GALNT1: variants seen among roughly 807,000 people sequenced by gnomAD.
GALNT1 encodes polypeptide N-acetylgalactosaminyltransferase 1.
GALNT1 carries 17 observed loss-of-function variants against 65.7 expected under a neutral mutation model. The ratio of observed to expected loss-of-function variants is 0.26; its 90% confidence interval spans 0.18 to 0.39. The LOEUF is 0.39. Among genes scored for constraint, GALNT1 ranks in the 10% least tolerant of loss-of-function variants. GALNT1 has a pLI of 1.00. For missense variants in GALNT1, 460 were observed against 672.8 expected (o/e 0.68, Z 3.50); for synonymous variants, 210 against 219.7 (o/e 0.96, Z 0.39).
chr18:35,678,656 T>C (rs571962204), intron 4 of GALNT1, among the ~76,000 whole-genome samples: 1 of 152,332 alleles, frequency 6.6e-6, no homozygotes, highest in South Asian at 2.1e-4. Context: ...GAGAAAAATT[T>C]AGAGCTACAG....
chr18:35,588,784 C>CT, intron 1 of GALNT1, among the ~76,000 whole-genome samples: 1 of 151,596 alleles, frequency 6.6e-6, no homozygotes, highest in Non-Finnish European at 1.5e-5. Context: ...TTTGTTGAGG[C>CT]TTTTTGTTTA....
chr18:35,687,160 G>A lies in GALNT1; in HGVS notation c.834G>A (p.Arg278=). Residue 278 remains arginine (R), a synonymous_variant, in exon 6 of 12, where the codon AGG becomes AGA. Transcript: ENST00000269195. ...TTCCCCAAAGAGAAATGGACAGAAGGAAAGGTGATCGGACTCTTCCTGTCA... is the reference window on the plus strand; with the variant it reads ...TTCCCCAAAGAGAAATGGACAGAAGAAAAGGTGATCGGACTCTTCCTGTCA... ...YPVPQREMDR[R]KGDRTLPVRT... 6.2e-7 allele frequency: 1 copy of A among 1,613,726 alleles called. No individual in the cohort carries two copies. Among genetic ancestry groups the A allele is most frequent in the Non-Finnish European group, 8.5e-7 (1 of 1,179,784 alleles).
At chr18:35,630,079 CT>C (rs1437297035) in intron 1 of GALNT1, among the ~76,000 whole-genome samples, 1 of 152,160 alleles carries the variant, frequency 6.6e-6, no homozygotes, top group African/African-American at 2.4e-5. Flanking sequence ...TACAAAGAGA[CT>C]TAGACTCCCA....
intron 7 of GALNT1, among the ~76,000 whole-genome samples, chr18:35,690,789 T>A (rs1039814200): frequency 4.6e-5 from 7 of 152,218 alleles, no homozygotes; most frequent in East Asian, 1.9e-4. Flanking sequence ...AATACTTTTT[T>A]AAAAACTATC....
chr18:35,709,884 A>C lies in GALNT1; in HGVS notation c.*114A>C. 8.2e-7 allele frequency: 1 copy of C among 1,225,114 alleles called. No homozygotes were observed. The highest frequency in any genetic ancestry group is 1.1e-6 in the Non-Finnish European group (1 of 888,890). 75.9% of individuals were successfully genotyped at this position (1,225,114 alleles called of 1,614,324 possible). ...GAAAAGTGCTTTCCTCCTCTGCAGG[A>C]TGTAAGGTTTATCAGCCATTAAAAC... On this transcript the variant is annotated 3_prime_UTR_variant, in exon 12 of 12. Coordinates refer to ENST00000269195, the MANE Select transcript of GALNT1 (RefSeq NM_020474.4).
At chr18:35,691,425 G>A (rs1392098816) in intron 8 of GALNT1, among the ~76,000 whole-genome samples, 5 of 152,136 alleles carry the variant, frequency 3.3e-5, no homozygotes, top group Non-Finnish European at 5.9e-5. Context: ...GCTAGCCCAG[G>A]TTTTGCAGAT....
At chr18:35,625,310 C>A (rs2046902100) in intron 1 of GALNT1, among the ~76,000 whole-genome samples, 1 of 152,042 alleles carries the variant, frequency 6.6e-6, no homozygotes, top group African/African-American at 2.4e-5. Flanking sequence ...GAGAACAGAT[C>A]CGGAGAAGAG....
intron 11 of GALNT1, among the ~76,000 whole-genome samples, chr18:35,704,636 TTTTTA>T (rs1009613491): frequency 6.7e-6 from 1 of 150,324 alleles, no homozygotes; most frequent in Non-Finnish European, 1.5e-5. Flanking sequence ...TTTTTTTTAT[TTTTTA>T]TTTTATTTAT....
At chr18:35,707,845 A>G (rs1161033163) in intron 11 of GALNT1, among the ~76,000 whole-genome samples, 1 of 152,192 alleles carries the variant, frequency 6.6e-6, no homozygotes, top group East Asian at 1.9e-4. Flanking sequence ...CTTTCCTGAG[A>G]CTGAAGCCAC....
At chr18:35,692,132 T>A (rs370598389) in intron 8 of GALNT1, 49 bp from the exon 9 acceptor site, 95 of 1,511,174 alleles carry the variant, frequency 6.3e-5, no homozygotes, top group Non-Finnish European at 8.2e-5. Context: ...TAAACATGTG[T>A]TACCTAAAAC....
At chr18:35,586,908 A>G (rs1016323439) in intron 1 of GALNT1, among the ~76,000 whole-genome samples, 2 of 152,210 alleles carry the variant, frequency 1.3e-5, no homozygotes, top group East Asian at 3.8e-4. Context: ...GTAGACCTGT[A>G]TCAGTATGGA....
At chr18:35,582,011 G>A (rs1197740779) in intron 1 of GALNT1, 149 bp downstream of exon 1, 1 of 152,024 alleles carries the variant, frequency 6.6e-6, no homozygotes, top group Non-Finnish European at 1.5e-5. Flanking sequence ...GCTCGGCGCG[G>A]GTTCGGGTCT....
intron 3 of GALNT1, among the ~76,000 whole-genome samples, chr18:35,666,560 C>T (rs189633477): frequency 6.6e-6 from 1 of 152,254 alleles, no homozygotes; most frequent in African/African-American, 2.4e-5. Flanking sequence ...ATTTTAATAA[C>T]CCCCCTAAGT....
intron 2 of GALNT1, among the ~76,000 whole-genome samples, chr18:35,658,679 G>A (rs1324930745): frequency 6.6e-6 from 1 of 151,322 alleles, no homozygotes; most frequent in Non-Finnish European, 1.5e-5. Context: ...AGTGGAATTA[G>A]CATGTACATT....
At chr18:35,688,732 G>T (rs1379050914) in intron 6 of GALNT1, among the ~76,000 whole-genome samples, 2 of 152,138 alleles carry the variant, frequency 1.3e-5, no homozygotes, top group Admixed American at 6.6e-5. Context: ...ACATGGCATG[G>T]TAACTCTAAC....
At chr18:35,631,596 TA>T (rs2047011307) in intron 1 of GALNT1, among the ~76,000 whole-genome samples, 1 of 152,102 alleles carries the variant, frequency 6.6e-6, no homozygotes, top group Non-Finnish European at 1.5e-5. Context: ...CCACAGCCAA[TA>T]TCATACTGAA....
chr18:35,588,697 C>A (rs894766121), intron 1 of GALNT1, among the ~76,000 whole-genome samples: 1 of 152,096 alleles, frequency 6.6e-6, no homozygotes, highest in South Asian at 2.1e-4. Context: ...CCCTCCCTTT[C>A]TGCTGCTGAG....
intron 9 of GALNT1, among the ~76,000 whole-genome samples, chr18:35,700,901 TC>T (rs1396238806): frequency 6.6e-6 from 1 of 152,170 alleles, no homozygotes; most frequent in Admixed American, 6.5e-5. Context: ...ATCTAATAAT[TC>T]CTGTGGCATT....
chr18:35,667,274 C>T (rs921735609), intron 3 of GALNT1, among the ~76,000 whole-genome samples: 11 of 152,144 alleles, frequency 7.2e-5, no homozygotes, highest in African/African-American at 1.2e-4. Context: ...TTGCTGTGAT[C>T]ATTTGCTCTG....
Sources: allele counts gnomAD v4.1 joint callset (sites outside exome capture counted in the v4.1 genomes callset), GRCh38; gene constraint gnomAD v4.1.1; transcripts MANE v1.5; gene names NCBI Gene and HGNC (gene_info 2026-07-23, HGNC 2026-07-21).